The following VPS13B variants were observed in gnomAD, a reference collection of about 807,000 sequenced individuals.
VPS13B encodes the protein intermembrane lipid transfer protein VPS13B.
VPS13B carries 285 observed loss-of-function variants against 426.4 expected under a neutral mutation model. The ratio of observed to expected loss-of-function variants is 0.67; its 90% CI spans 0.61 to 0.74. The LOEUF (loss-of-function observed/expected upper bound fraction) is 0.74. VPS13B is among the 30% of genes least tolerant of loss of function. The pLI, the probability that VPS13B is intolerant of heterozygous loss-of-function variation, is 0.00. For synonymous variants in VPS13B, 1,676 were observed against 1,676.4 expected, an observed-to-expected ratio of 1.00 and a Z score of 0.01; for missense variants, 4,537 against 4,782.6, an observed-to-expected ratio of 0.95 and a Z score of 1.51.
intron 3 of VPS13B, among the ~76,000 whole-genome samples, chr8:99,088,245 A>T (rs1246768071): frequency 6.6e-6 from 1 of 152,100 alleles, no homozygotes; most frequent in Non-Finnish European, 1.5e-5. Flanking sequence ...TCTTAAAAAA[A>T]AAATCAATTG....
intron 54 of VPS13B, among the ~76,000 whole-genome samples, chr8:99,840,994 G>T (rs1394990711): frequency 6.6e-6 from 1 of 152,218 alleles, no homozygotes; most frequent in African/African-American, 2.4e-5. Flanking sequence ...CTGAATGTCT[G>T]CTAGGTACCC....
At chr8:99,475,599 C>T (rs1819650132) in intron 24 of VPS13B, among the ~76,000 whole-genome samples, 1 of 152,138 alleles carries the variant, frequency 6.6e-6, no homozygotes, top group Non-Finnish European at 1.5e-5. Flanking sequence ...AACTAGAGTA[C>T]TTGGTATATT....
intron 17 of VPS13B, among the ~76,000 whole-genome samples, chr8:99,217,583 A>G (rs776973455): frequency 5.3e-5 from 8 of 152,280 alleles, no homozygotes; most frequent in Non-Finnish European, 1.2e-4. Flanking sequence ...TATATTATAT[A>G]TGGGTATTTT....
At chr8:99,507,112 G>A in intron 27 of VPS13B, 25 bp from the exon 28 acceptor site, 3 of 1,613,570 alleles carry the variant, frequency 1.9e-6, no homozygotes, top group Non-Finnish European at 2.5e-6. Context: ...GAAGAGAACA[G>A]ATAAGGTGAA....
chr8:99,790,068 G>A (rs535203925), intron 43 of VPS13B, among the ~76,000 whole-genome samples: 3 of 152,216 alleles, frequency 2.0e-5, no homozygotes, highest in African/African-American at 7.2e-5. Flanking sequence ...CTTAGGAACA[G>A]CACCAAGTGT....
At chr8:99,728,911 A>G (rs1345854113) in intron 39 of VPS13B, among the ~76,000 whole-genome samples, 1 of 152,068 alleles carries the variant, frequency 6.6e-6, no homozygotes, top group Non-Finnish European at 1.5e-5. Context: ...TTCACTCGCT[A>G]TTGCTTTTTC....
At chr8:99,696,321 CG>C in intron 35 of VPS13B, 1 of 248,254 alleles carries the variant, frequency 4.0e-6, no homozygotes, top group South Asian at 5.3e-5. Flanking sequence ...ATAAGTCGCT[CG>C]GGCAGAGGGA....
chr8:99,731,163 G>C (rs1588663173), intron 39 of VPS13B, among the ~76,000 whole-genome samples: 2 of 152,336 alleles, frequency 1.3e-5, no homozygotes, highest in South Asian at 4.1e-4. Context: ...GAGTGAGTGA[G>C]AGGCCGCAGA....
intron 7 of VPS13B, among the ~76,000 whole-genome samples, chr8:99,120,891 ATTAT>A (rs1237516613): frequency 1.3e-5 from 2 of 152,198 alleles, no homozygotes; most frequent in Non-Finnish European, 2.9e-5. Flanking sequence ...GAATTAATTT[ATTAT>A]TTGTCTTTAT....
chr8:99,660,267 C>G (rs899500373), intron 34 of VPS13B, among the ~76,000 whole-genome samples: 1 of 152,094 alleles, frequency 6.6e-6, no homozygotes, highest in Non-Finnish European at 1.5e-5. Flanking sequence ...AATACAAATT[C>G]CAAGGCAGAA....
In VPS13B at chr8:99,820,239, G is replaced by C. The variant is rs368342599; in HGVS notation, c.8994+117G>C. On this transcript the variant is annotated intron_variant, in intron 49 of 61. Coordinates refer to ENST00000357162, the MANE Select transcript of VPS13B (RefSeq NM_152564.5). ...CAGTTGTGAAAAATTCTTCTTAGAT[G>C]CATATGTAAGAGGTATGGAATGTTC... 2.3e-5 allele frequency: 22 copies of C among 937,210 alleles called. No individual in the cohort carries two copies. The East Asian group carries it at 4.4e-4, about 19-fold the overall frequency. The allele number at this position is 937,210 out of a possible 1,614,324, so 58.1% of individuals were successfully genotyped here.
At chr8:99,247,356 A>G (rs536665980) in intron 17 of VPS13B, among the ~76,000 whole-genome samples, 1 of 152,166 alleles carries the variant, frequency 6.6e-6, no homozygotes, top group African/African-American at 2.4e-5. Flanking sequence ...ACAGCATACC[A>G]TATTTTCATC....
intron 40 of VPS13B, among the ~76,000 whole-genome samples, chr8:99,773,242 T>C (rs1811598639): frequency 6.6e-6 from 1 of 152,240 alleles, no homozygotes; most frequent in African/African-American, 2.4e-5. Context: ...GTATAAATGA[T>C]AGCAGCGCAT....
chr8:99,818,870 A>G lies in VPS13B; in HGVS notation c.8603A>G (p.His2868Arg). Residue 2868 changes from histidine to arginine, a missense_variant, in exon 47 of 62, where the codon CAC becomes CGC. Around this residue, in one of 2 missense-constraint regions of VPS13B, gnomAD observed 4,311 missense variants for 4,474.3 expected, o/e 0.96. Transcript: ENST00000357162. ...AACATAGAACCTGACCTTGTACATC[A>G]CCTGACATTCCAAGCAAGGTACTAG... ...LQNIEPDLVH[H>R]LTFQAREEYD... The G allele has an allele frequency of 6.2e-7, 1 of 1,602,572 alleles. No individual in the cohort carries two copies. The highest frequency in any genetic ancestry group is 8.5e-7 in the Non-Finnish European group (1 of 1,175,140).
intron 21 of VPS13B, among the ~76,000 whole-genome samples, chr8:99,404,273 T>A (rs982157255): frequency 6.6e-6 from 1 of 152,258 alleles, no homozygotes; most frequent in Non-Finnish European, 1.5e-5. Context: ...TTCTAGTTTT[T>A]ACACAGACTG....
intron 19 of VPS13B, among the ~76,000 whole-genome samples, chr8:99,326,566 T>A (rs1159338611): frequency 1.4e-5 from 2 of 145,426 alleles, no homozygotes; most frequent in Non-Finnish European, 3.0e-5. Context: ...GCCCTGCTAA[T>A]TTTTGTATTT....
At chr8:99,864,159 A>T (rs1323171472) in intron 58 of VPS13B, among the ~76,000 whole-genome samples, 2 of 152,258 alleles carry the variant, frequency 1.3e-5, no homozygotes, top group East Asian at 3.8e-4. Flanking sequence ...GGAAAGTTAT[A>T]GATTGGCCAC....
In VPS13B at chr8:99,868,444, C is replaced by T. The variant is rs1817214262; in HGVS notation, c.11371C>T (p.Leu3791=). 1 of 1,613,220 alleles carries T rather than the reference C, an allele frequency of 6.2e-7. No homozygotes were observed. The highest frequency in any genetic ancestry group is 8.5e-7 in the Non-Finnish European group (1 of 1,179,650). ...AAAGCCCATCGGAGGAGCTGCTGAG[C>T]TGGTGTCACAGACTGGCTATGGTAA... is the stretch of plus-strand genomic sequence containing the variant. ...FTKPIGGAAE[L]VSQTGYGILH... Residue 3791 remains leucine, a synonymous_variant, in exon 59 of 62, where the codon CTG becomes TTG. Transcript: ENST00000357162.
At chr8:99,445,527 T>A (rs1016732033) in intron 23 of VPS13B, among the ~76,000 whole-genome samples, 15 of 149,626 alleles carry the variant, frequency 1.0e-4, no homozygotes, top group South Asian at 6.2e-4. Flanking sequence ...ATACTTTTTT[T>A]AATAATTATA....
Sources: allele counts gnomAD v4.1 joint callset (sites outside exome capture counted in the v4.1 genomes callset), GRCh38; gene constraint gnomAD v4.1.1; regional missense constraint gnomAD v4.1.1; transcripts MANE v1.5; gene names NCBI Gene and HGNC (gene_info 2026-07-23, HGNC 2026-07-21).